EIF2AK2: variants seen among roughly 807,000 people sequenced by gnomAD.
EIF2AK2 encodes eukaryotic translation initiation factor 2 alpha kinase 2, also known as interferon-induced, double-stranded RNA-activated protein kinase.
EIF2AK2 carries 40 observed loss-of-function variants against 70.5 expected under a neutral mutation model. That is an observed-to-expected ratio of 0.57 (90% CI 0.44 to 0.74). EIF2AK2 has a LOEUF of 0.74. EIF2AK2 is among the 30% of genes least tolerant of loss of function. EIF2AK2 has a pLI of 0.00. For synonymous variants in EIF2AK2, 198 were observed against 220.9 expected, an observed-to-expected ratio of 0.90 and a Z score of 0.92; for missense variants, 555 against 644.3, an observed-to-expected ratio of 0.86 and a Z score of 1.50.
chr2:37,107,475 T>C lies in EIF2AK2; in HGVS notation c.1532A>G (p.Glu511Gly). ...TTCTGATGATTTTCAAGTGCTTACT[T>C]CTTTTTTATCAAATATATCTGAGAT... ...GIISDIFDKKEKTLLQKLLSK... is the reference protein window; with the variant it reads ...GIISDIFDKKGKTLLQKLLSK... The change falls in exon 16 of 17, where the codon GAA becomes GGA. Residue 511 changes from glutamate (E) to glycine (G), a missense_variant and splice_region_variant. Physicochemically the swap from Glu to Gly is moderately conservative, Grantham distance 98. Coordinates refer to ENST00000233057, the MANE Select transcript of EIF2AK2 (RefSeq NM_001135651.3). 1 of 1,612,264 alleles carries C rather than the reference T, an allele frequency of 6.2e-7. No homozygotes were observed. Among genetic ancestry groups the C allele is most frequent in the Non-Finnish European group, 8.5e-7 (1 of 1,179,584 alleles).
chr2:37,144,174 A>G (rs1335080406), intron 4 of EIF2AK2, among the ~76,000 whole-genome samples: 2 of 152,216 alleles, frequency 1.3e-5, no homozygotes, highest in Non-Finnish European at 2.9e-5. Flanking sequence ...CCTGGGTTAC[A>G]GCACAATGCA....
At chr2:37,142,185 C>T (rs977363675) in intron 4 of EIF2AK2, among the ~76,000 whole-genome samples, 14 of 152,018 alleles carry the variant, frequency 9.2e-5, no homozygotes, top group African/African-American at 2.9e-4. Flanking sequence ...GGCTAGAGTG[C>T]AGTGGTGCAA....
intron 4 of EIF2AK2, among the ~76,000 whole-genome samples, chr2:37,144,512 A>C (rs534023505): frequency 6.6e-6 from 1 of 152,278 alleles, no homozygotes; most frequent in South Asian, 2.1e-4. Flanking sequence ...TGGAGGTGGA[A>C]GATGGTGATG....
rs563460741 is a variant in EIF2AK2, at chr2:37,152,017, G to C, written c.-183-2994C>G. On this transcript the variant is annotated intron_variant, in intron 1 of 16. Coordinates refer to ENST00000233057, the MANE Select transcript of EIF2AK2 (RefSeq NM_001135651.3). Reference sequence around the variant, plus strand: ...GCAGGCGGAGCTTGCAGTGAGCTGAGATCGCGCCACTGCACTCCAGCCTGC... The same window carrying C: ...GCAGGCGGAGCTTGCAGTGAGCTGACATCGCGCCACTGCACTCCAGCCTGC... Among the ~76,000 whole-genome samples, 210 of 152,374 alleles carry C rather than the reference G, an allele frequency of 1.4e-3. 1 individual carries two copies. In the Middle Eastern group the frequency reaches 0.024, roughly 17 times the overall value.
chr2:37,124,821 G>A (rs998163055), intron 11 of EIF2AK2, among the ~76,000 whole-genome samples: 3 of 150,918 alleles, frequency 2.0e-5, no homozygotes, highest in Non-Finnish European at 4.4e-5. Flanking sequence ...TCCACCTACT[G>A]GGCTCAAATG....
intron 1 of EIF2AK2, among the ~76,000 whole-genome samples, chr2:37,155,159 C>A (rs2148721845): frequency 6.6e-6 from 1 of 152,206 alleles, no homozygotes; most frequent in East Asian, 1.9e-4. Flanking sequence ...CTCTGTCCAA[C>A]CTGCTCCCTC....
chr2:37,118,128 G>C (rs896586434), intron 13 of EIF2AK2, among the ~76,000 whole-genome samples: 2 of 151,578 alleles, frequency 1.3e-5, no homozygotes, highest in African/African-American at 4.8e-5. Context: ...CGGAAACATG[G>C]TGAGACCCTG....
At chr2:37,144,363 T>TCA (rs1271476801) in intron 4 of EIF2AK2, among the ~76,000 whole-genome samples, 1 of 33,972 alleles carries the variant, frequency 2.9e-5, no homozygotes, top group South Asian at 1.7e-3. Flanking sequence ...CTCCTTCTAC[T>TCA]TAAAAAAAAA....
intron 14 of EIF2AK2, among the ~76,000 whole-genome samples, chr2:37,112,993 T>G (rs1404942099): frequency 6.6e-6 from 1 of 152,210 alleles, no homozygotes; most frequent in Non-Finnish European, 1.5e-5. Context: ...TTTAAATAAT[T>G]AACTGCTTAA....
rs745804599 is a variant in EIF2AK2, at chr2:37,138,254, G to A, written c.687+16C>T. 20 of 1,572,928 alleles carry A rather than the reference G, an allele frequency of 1.3e-5. No individual in the cohort carries two copies. The highest frequency in any genetic ancestry group is 2.2e-5 in the East Asian group (1 of 44,524). ...AAAATAAGATTAAGTAGGAAGCTTC[G>A]AGACTAATACGATACCATAAGCAAC... is the stretch of plus-strand genomic sequence containing the variant. On this transcript the variant is annotated intron_variant, in intron 8 of 16. Transcript: ENST00000233057.
At chr2:37,126,088 T>C (rs1674718548) in intron 11 of EIF2AK2, among the ~76,000 whole-genome samples, 2 of 152,136 alleles carry the variant, frequency 1.3e-5, no homozygotes, top group African/African-American at 2.4e-5. Context: ...TGATCAATGG[T>C]ATATCCATTT....
At position 37,148,969 on chromosome 2, in the gene EIF2AK2, T is replaced by C; in HGVS notation, c.-129A>G. 4 of 833,008 alleles carry C rather than the reference T, an allele frequency of 4.8e-6. No individual in the cohort carries two copies. Among genetic ancestry groups the C allele is most frequent in the Non-Finnish European group, 8.6e-6 (4 of 465,878 alleles). The allele number at this position is 833,008 out of a possible 1,614,324, so 51.6% of individuals were successfully genotyped here. ...GTCAGATGGAAGAACTGCTAAAGTT[T>C]TGAGGTCATTACAATTTACAAATCC... On this transcript the variant is annotated 5_prime_UTR_variant, in exon 2 of 17. Coordinates refer to ENST00000233057, the MANE Select transcript of EIF2AK2 (RefSeq NM_001135651.3).
At chr2:37,137,980 C>T (rs1030649199) in intron 8 of EIF2AK2, among the ~76,000 whole-genome samples, 2 of 151,654 alleles carry the variant, frequency 1.3e-5, no homozygotes, top group Non-Finnish European at 2.9e-5. Context: ...GTGTGGTACA[C>T]GCGCATGTAA....
rs935738877 is a variant in EIF2AK2, at chr2:37,101,553, A to G, written c.*5720T>C. The G allele has an allele frequency of 9.9e-5, 15 of 152,246 alleles. No homozygotes were observed. Among genetic ancestry groups the G allele is most frequent in the African/African-American group, 3.1e-4 (13 of 41,468 alleles). 9.4% of individuals were successfully genotyped at this position (152,246 alleles called of 1,614,324 possible). A position where few individuals can be genotyped will look rare whatever the true frequency, so the allele number is the denominator to read the frequency against. ...CCTGAAATGATGTAAGAGAAAGTGT[A>G]TAGCATCACCTATGGAGTATTCTTG... is the stretch of plus-strand genomic sequence containing the variant. On this transcript the variant is annotated 3_prime_UTR_variant, in exon 17 of 17. Transcript: ENST00000233057.
chr2:37,156,862 G>T, intron 1 of EIF2AK2, 46 bp downstream of exon 1: 1 of 154,558 alleles, frequency 6.5e-6, no homozygotes, highest in Non-Finnish European at 1.4e-5. Flanking sequence ...GTGGCCCCCC[G>T]GCCCCCGCTC....
chr2:37,120,150 A>G lies in EIF2AK2; in HGVS notation c.1068-11T>C, dbSNP rs563220138. 20 of 1,384,760 alleles carry G rather than the reference A, an allele frequency of 1.4e-5. No individual in the cohort carries two copies. The African/African-American group carries it at 2.8e-4, about 20-fold the overall frequency. 85.8% of individuals were successfully genotyped at this position (1,384,760 alleles called of 1,614,324 possible). ...CACTTAGTCTTTGACCTGGGTATAA[A>G]ATTCACAGTATGTTAAAAGTAACAA... is the stretch of plus-strand genomic sequence containing the variant. On this transcript the variant is annotated splice_polypyrimidine_tract_variant and intron_variant, in intron 12 of 16. Transcript: ENST00000233057.
chr2:37,151,724 AATATAT>A lies in EIF2AK2; in HGVS notation c.-183-2707_-183-2702del, dbSNP rs529916492. On this transcript the variant is annotated intron_variant, in intron 1 of 16. Transcript: ENST00000233057. ...CGGATAAATGGTGAACAAAATGTGAAATATATCTACACAGCGGAATATTATTCAGTC... is the reference window on the plus strand; with the variant it reads ...CGGATAAATGGTGAACAAAATGTGAACTACACAGCGGAATATTATTCAGTC... Among the ~76,000 whole-genome samples, 399 of 152,310 alleles carry A rather than the reference AATATAT, an allele frequency of 2.6e-3. 3 individuals are homozygous for A. Among genetic ancestry groups the A allele is most frequent in the Non-Finnish European group, 3.6e-3 (244 of 68,026 alleles).
intron 10 of EIF2AK2, among the ~76,000 whole-genome samples, chr2:37,127,007 A>T (rs1453527370): frequency 7.0e-6 from 1 of 142,432 alleles, no homozygotes. Flanking sequence ...AAAAGCCATG[A>T]TAAAAATCCT....
At chr2:37,114,322 C>A (rs1004370012) in intron 14 of EIF2AK2, among the ~76,000 whole-genome samples, 1 of 151,348 alleles carries the variant, frequency 6.6e-6, no homozygotes, top group African/African-American at 2.4e-5. Flanking sequence ...AGAACAACAA[C>A]AAAAAATATT....
Sources: gnomAD v4.1 joint callset for allele counts (sites outside exome capture counted in the v4.1 genomes callset) on GRCh38, gnomAD v4.1.1 for gene constraint, MANE v1.5 for transcripts, NCBI Gene and HGNC (gene_info 2026-07-23, HGNC 2026-07-21) for gene names.